Variants in CAMK4 observed in about 807,000 individuals in gnomAD.
CAMK4 encodes calcium/calmodulin dependent protein kinase IV.
A neutral mutation model predicts 44.9 loss-of-function variants in CAMK4; 22 were observed. That is an observed-to-expected ratio of 0.49 (90% CI 0.35 to 0.70). The LOEUF (loss-of-function observed/expected upper bound fraction) is 0.70, where lower values mean the gene tolerates loss of function less well. CAMK4 is among the 30% of genes least tolerant of loss of function. The pLI, the probability that CAMK4 is intolerant of heterozygous loss-of-function variation, is 0.01. For missense variants in CAMK4, 498 were observed against 586.8 expected, an observed-to-expected ratio of 0.85 and a Z score of 1.56; for synonymous variants, 218 against 215.4, an observed-to-expected ratio of 1.01 and a Z score of -0.11.
chr5:111,473,412 G>A (rs112730331), intron 8 of CAMK4, 26 bp downstream of exon 8: 4 of 1,410,436 alleles, frequency 2.8e-6, no homozygotes, highest in Middle Eastern at 1.8e-4. Flanking sequence ...CAATATTTAT[G>A]TAAACTATTT....
chr5:111,255,264 C>A (rs138727786), intron 1 of CAMK4, among the ~76,000 whole-genome samples: 3 of 152,202 alleles, frequency 2.0e-5, no homozygotes, highest in African/African-American at 7.2e-5. Flanking sequence ...CCTGTGCCAT[C>A]ATCACTTCCA....
chr5:111,279,118 A>C (rs1010764150), intron 1 of CAMK4, among the ~76,000 whole-genome samples: 8 of 152,198 alleles, frequency 5.3e-5, no homozygotes, highest in African/African-American at 1.7e-4. Flanking sequence ...AATTAACGAA[A>C]ATAAGTCTAG....
At chr5:111,443,186 T>C (rs1252070957) in intron 5 of CAMK4, among the ~76,000 whole-genome samples, 4 of 139,672 alleles carry the variant, frequency 2.9e-5, no homozygotes, top group South Asian at 4.5e-4. Flanking sequence ...TAAACAAAAA[T>C]GAAATAGTGA....
At chr5:111,268,136 C>T (rs972204022) in intron 1 of CAMK4, among the ~76,000 whole-genome samples, 1 of 152,162 alleles carries the variant, frequency 6.6e-6, no homozygotes, top group Non-Finnish European at 1.5e-5. Flanking sequence ...ATTTTTACTA[C>T]TGTAGATCCA....
chr5:111,298,226 A>G (rs747773851), intron 1 of CAMK4, among the ~76,000 whole-genome samples: 1 of 152,228 alleles, frequency 6.6e-6, no homozygotes, highest in Non-Finnish European at 1.5e-5. Flanking sequence ...TGAATTATAA[A>G]CATGCATTAT....
rs115521745 is a variant in CAMK4 at position 111,389,650 on chromosome 5, C to A, written c.387-5060C>A. Reference sequence around the variant, plus strand: ...CAAAGCAGCTGTGGTAAAGCTCTAGCCTGGGTGAGTGACTATGGGGAAAAT... The same window carrying A: ...CAAAGCAGCTGTGGTAAAGCTCTAGACTGGGTGAGTGACTATGGGGAAAAT... On this transcript the variant is annotated intron_variant, in intron 4 of 10. Coordinates refer to ENST00000282356, the MANE Select transcript of CAMK4 (RefSeq NM_001744.6). Among the ~76,000 whole-genome samples the A allele has an allele frequency of 1.3e-3, 197 of 152,242 alleles. 1 individual carries two copies. Among genetic ancestry groups the A allele is most frequent in the African/African-American group, 4.5e-3 (189 of 41,556 alleles).
rs1349821216 is a variant in CAMK4, at chr5:111,328,856, G to GATT, written c.162-15167_162-15165dup. 9.9e-5 allele frequency among the ~76,000 whole-genome samples: 15 copies of GATT among 152,122 alleles called. No individual in the cohort carries two copies. In the East Asian group the frequency reaches 2.9e-3, roughly 30 times the overall value. On this transcript the variant is annotated intron_variant, in intron 1 of 10. Transcript: ENST00000282356. ...AGAATGTTTGTGATTTTTGTACATT[G>GATT]ATTTTGTATCCTGAGACTTTGCTGA...
intron 7 of CAMK4, among the ~76,000 whole-genome samples, chr5:111,467,128 A>G (rs1383779259): frequency 6.6e-6 from 1 of 152,192 alleles, no homozygotes; most frequent in African/African-American, 2.4e-5. Flanking sequence ...ATAATTGGCA[A>G]GCCACATGTA....
intron 5 of CAMK4, among the ~76,000 whole-genome samples, chr5:111,420,883 A>G (rs1276722313): frequency 6.6e-6 from 1 of 152,152 alleles, no homozygotes; most frequent in Non-Finnish European, 1.5e-5. Flanking sequence ...CATATTGCTC[A>G]AACACACATG....
intron 5 of CAMK4, among the ~76,000 whole-genome samples, chr5:111,398,591 T>C (rs564357310): frequency 1.3e-5 from 2 of 152,238 alleles, no homozygotes; most frequent in South Asian, 4.1e-4. Flanking sequence ...TATGATTTCA[T>C]TTCGGCGGAA....
chr5:111,247,597 C>T (rs1041366767), intron 1 of CAMK4, among the ~76,000 whole-genome samples: 1 of 151,328 alleles, frequency 6.6e-6, no homozygotes, highest in Non-Finnish European at 1.5e-5. Flanking sequence ...CAGGATAGGC[C>T]AGTACAATCG....
chr5:111,226,352 T>G (rs1239220537), intron 1 of CAMK4, among the ~76,000 whole-genome samples: 2 of 152,208 alleles, frequency 1.3e-5, no homozygotes, highest in East Asian at 3.8e-4. Context: ...AAGTTTGGGT[T>G]TTTTATTTTT....
chr5:111,394,858 G>C, intron 5 of CAMK4, 76 bp downstream of exon 5: 1 of 937,784 alleles, frequency 1.1e-6, no homozygotes. Flanking sequence ...TAAGAAATGC[G>C]CATCTGTGAT....
intron 9 of CAMK4, among the ~76,000 whole-genome samples, chr5:111,479,154 C>A (rs994761285): frequency 6.6e-6 from 1 of 152,178 alleles, no homozygotes; most frequent in African/African-American, 2.4e-5. Context: ...GCTGGGATTA[C>A]AGATGTGAGC....
At chr5:111,276,838 C>T (rs1420007136) in intron 1 of CAMK4, among the ~76,000 whole-genome samples, 1 of 151,956 alleles carries the variant, frequency 6.6e-6, no homozygotes, top group Admixed American at 6.6e-5. Flanking sequence ...CTGAAGAATC[C>T]TTACCAAAAA....
At chr5:111,405,480 A>AC (rs1752389577) in intron 5 of CAMK4, among the ~76,000 whole-genome samples, 1 of 151,986 alleles carries the variant, frequency 6.6e-6, no homozygotes, top group East Asian at 1.9e-4. Flanking sequence ...ACAAAACAAA[A>AC]CAAAAAAAAA....
At chr5:111,264,452 A>T (rs1408009968) in intron 1 of CAMK4, among the ~76,000 whole-genome samples, 1 of 152,176 alleles carries the variant, frequency 6.6e-6, no homozygotes, top group Non-Finnish European at 1.5e-5. Context: ...TGGTTCTTGA[A>T]TGCATGAAGG....
chr5:111,310,200 T>G (rs1748140070), intron 1 of CAMK4, among the ~76,000 whole-genome samples: 1 of 152,138 alleles, frequency 6.6e-6, no homozygotes. Context: ...TTTCTCTAGT[T>G]TTATTGCTTT....
At chr5:111,337,100 C>G (rs998659418) in intron 1 of CAMK4, among the ~76,000 whole-genome samples, 3 of 151,280 alleles carry the variant, frequency 2.0e-5, no homozygotes, top group East Asian at 2.0e-4. Context: ...AAAAATTCCC[C>G]TATACTACTT....
Sources: gnomAD v4.1 joint callset for allele counts (sites outside exome capture counted in the v4.1 genomes callset) on GRCh38, gnomAD v4.1.1 for gene constraint, MANE v1.5 for transcripts, NCBI Gene and HGNC (gene_info 2026-07-23, HGNC 2026-07-21) for gene names.